COL21A1: variants seen among roughly 807,000 people sequenced by gnomAD.
COL21A1 encodes collagen type XXI alpha 1 chain, also known as collagen alpha-1(XXI) chain.
COL21A1 carries 149 observed loss-of-function variants against 137.9 expected under a neutral mutation model. The observed-to-expected ratio is 1.08, with a 90% CI of 0.95 to 1.24. The LOEUF (loss-of-function observed/expected upper bound fraction) is 1.24, where lower values mean the gene tolerates loss of function less well. Ranked by LOEUF, COL21A1 falls within the 50% of genes most tolerant of loss-of-function variation. The probability of loss-of-function intolerance (pLI) is 0.00; values close to 1 mark genes in which losing one functional copy is unlikely to be tolerated. For missense variants in COL21A1, 1,167 were observed against 1,158.4 expected (o/e 1.01, Z -0.11); for synonymous variants, 456 against 391.5 (o/e 1.16, Z -1.95).
chr6:56,167,055 A>G (rs1036168346), intron 6 of COL21A1, 72 bp from the exon 7 acceptor site: 4 of 1,003,240 alleles, frequency 4.0e-6, no homozygotes, highest in African/African-American at 3.2e-5. Context: ...ACTCAGATAC[A>G]TAGAAACATC....
At chr6:56,060,641 T>C (rs1285369661) in intron 27 of COL21A1, 100 bp downstream of exon 27, 1 of 882,592 alleles carries the variant, frequency 1.1e-6, no homozygotes, top group Non-Finnish European at 1.7e-6. Context: ...TTATCTGTTT[T>C]CTTCTTCACC....
chr6:56,260,179 C>T (rs1281616312), intron 1 of COL21A1, among the ~76,000 whole-genome samples: 1 of 152,082 alleles, frequency 6.6e-6, no homozygotes, highest in African/African-American at 2.4e-5. Flanking sequence ...TTTTATCCTC[C>T]CTCAAGACAC....
chr6:56,168,052 G>T, intron 6 of COL21A1, 72 bp downstream of exon 6: 3 of 1,044,948 alleles, frequency 2.9e-6, no homozygotes, highest in Admixed American at 3.1e-5. Flanking sequence ...ATTAAATGTG[G>T]TGAAAACTAT....
chr6:56,057,862 C>A lies in COL21A1; in HGVS notation c.2687-18G>T. The A allele has an allele frequency of 1.3e-6, 2 of 1,504,598 alleles. No individual in the cohort carries two copies. 93.2% of individuals were successfully genotyped at this position (1,504,598 alleles called of 1,614,324 possible). A position where few individuals can be genotyped will look rare whatever the true frequency, so the allele number is the denominator to read the frequency against. ...CTCTGGACCTAAGATGGGACATTGG[C>A]AAGACGTAAACAGAGGACTTTAGTT... On this transcript the variant is annotated intron_variant, in intron 29 of 29. Coordinates refer to ENST00000244728, the MANE Select transcript of COL21A1 (RefSeq NM_030820.4).
At chr6:56,274,271 G>C (rs183285265) in intron 1 of COL21A1, among the ~76,000 whole-genome samples, 33 of 152,206 alleles carry the variant, frequency 2.2e-4, no homozygotes, top group Admixed American at 1.6e-3. Flanking sequence ...TACAGAATGG[G>C]CCAAAGCTGG....
chr6:56,093,413 T>A (rs1279449131), intron 17 of COL21A1, among the ~76,000 whole-genome samples: 1 of 152,154 alleles, frequency 6.6e-6, no homozygotes, highest in Admixed American at 6.6e-5. Context: ...TAGGACAATA[T>A]CCCTTTCCAT....
intron 1 of COL21A1, among the ~76,000 whole-genome samples, chr6:56,185,254 AATT>A (rs1035410902): frequency 6.6e-6 from 1 of 151,932 alleles, no homozygotes; most frequent in Non-Finnish European, 1.5e-5. Context: ...AAAAATAAAT[AATT>A]AAAAAGTTAA....
intron 1 of COL21A1, among the ~76,000 whole-genome samples, chr6:56,358,337 T>C (rs1024920771): frequency 2.6e-5 from 4 of 151,826 alleles, no homozygotes; most frequent in South Asian, 4.1e-4. Context: ...AATTTTAATA[T>C]GTAAAAAAAA....
intron 17 of COL21A1, among the ~76,000 whole-genome samples, chr6:56,094,594 AG>A (rs1388413489): frequency 6.6e-6 from 1 of 152,202 alleles, no homozygotes; most frequent in Non-Finnish European, 1.5e-5. Context: ...TTAGGTACTT[AG>A]GTACTTACTC....
intron 1 of COL21A1, among the ~76,000 whole-genome samples, chr6:56,196,082 C>T (rs1343683279): frequency 2.0e-5 from 3 of 152,122 alleles, no homozygotes; most frequent in African/African-American, 7.2e-5. Context: ...AATCAATAAA[C>T]ATGATGTACC....
chr6:56,122,341 C>A (rs1161236412), intron 16 of COL21A1, among the ~76,000 whole-genome samples: 10 of 149,532 alleles, frequency 6.7e-5, no homozygotes, highest in African/African-American at 2.2e-4. Flanking sequence ...GAGATGGAGT[C>A]TGGCTGTGTT....
At chr6:56,151,155 G>A (rs1419094803) in intron 10 of COL21A1, among the ~76,000 whole-genome samples, 2 of 152,176 alleles carry the variant, frequency 1.3e-5, no homozygotes, top group East Asian at 1.9e-4. Context: ...GAACCCAGGA[G>A]GCGGAGCTTG....
At chr6:56,206,697 A>AAT (rs1204449084) in intron 1 of COL21A1, among the ~76,000 whole-genome samples, 509 of 32,118 alleles carry the variant, frequency 0.016, 2 homozygotes, top group Non-Finnish European at 0.019. Flanking sequence ...TAAATAAATA[A>AAT]ATATATATAT....
Position 56,181,525 on chromosome 6 carries a change from C to T in COL21A1, c.88+1006G>A, listed in dbSNP as rs150297721. 1.1e-3 allele frequency among the ~76,000 whole-genome samples: 165 copies of T among 152,056 alleles called. 1 individual carries two copies. The highest frequency in any genetic ancestry group is 3.7e-3 in the African/African-American group (153 of 41,486). On this transcript the variant is annotated intron_variant, in intron 2 of 29. Transcript: ENST00000244728. Reference sequence around the variant, plus strand: ...GTTAGTGTTTGTGTGCCACCTGATTCAGTGGTTTTCACTCTAAGAGGGTTA... The same window carrying T: ...GTTAGTGTTTGTGTGCCACCTGATTTAGTGGTTTTCACTCTAAGAGGGTTA...
At chr6:56,151,734 GTTCC>G (rs1460429524) in intron 10 of COL21A1, among the ~76,000 whole-genome samples, 2 of 152,182 alleles carry the variant, frequency 1.3e-5, no homozygotes, top group African/African-American at 2.4e-5. Flanking sequence ...CCTTCAAATT[GTTCC>G]TTCCAAGTTT....
At chr6:56,156,853 A>T (rs1468379362) in intron 10 of COL21A1, 34 bp downstream of exon 10, 13 of 1,561,856 alleles carry the variant, frequency 8.3e-6, no homozygotes, top group Non-Finnish European at 1.1e-5. Context: ...GTAATCCCAG[A>T]TATACCGGAG....
chr6:56,321,541 T>C (rs1026685289), intron 1 of COL21A1, among the ~76,000 whole-genome samples: 2 of 152,298 alleles, frequency 1.3e-5, no homozygotes, highest in East Asian at 3.9e-4. Flanking sequence ...TTGCAGACCA[T>C]GTAAATGATG....
At chr6:56,164,692 T>C (rs541295585) in intron 8 of COL21A1, 122 bp downstream of exon 8, 4 of 862,916 alleles carry the variant, frequency 4.6e-6, no homozygotes, top group East Asian at 5.3e-5. Flanking sequence ...ATTAAATACA[T>C]TGAAGTTACA....
At chr6:56,074,397 G>C in intron 19 of COL21A1, 112 bp from the exon 20 acceptor site, 1 of 646,482 alleles carries the variant, frequency 1.5e-6, no homozygotes, top group South Asian at 2.4e-5. Context: ...TTATAATACA[G>C]ATCTGAAAAT....
Sources: allele counts gnomAD v4.1 joint callset (sites outside exome capture counted in the v4.1 genomes callset), GRCh38; gene constraint gnomAD v4.1.1; transcripts MANE v1.5; gene names NCBI Gene and HGNC (gene_info 2026-07-23, HGNC 2026-07-21).